MBOAT1: variants seen among roughly 807,000 people sequenced by gnomAD.
MBOAT1 encodes the protein membrane-bound glycerophospholipid O-acyltransferase 1.
Under a neutral mutation model 64.4 loss-of-function variants are expected in MBOAT1, and 67 were observed. The observed-to-expected ratio is 1.04, with a 90% CI of 0.85 to 1.27. MBOAT1 has a LOEUF of 1.27. Among genes scored for constraint, MBOAT1 ranks in the 50% most tolerant of loss-of-function variants. The pLI is 0.00. For missense variants in MBOAT1, 563 were observed against 604.6 expected (o/e 0.93, Z 0.72); for synonymous variants, 229 against 218.9 (o/e 1.05, Z -0.41).
At chr6:20,151,463 T>G (rs1489148103) in intron 2 of MBOAT1, among the ~76,000 whole-genome samples, 2 of 152,214 alleles carry the variant, frequency 1.3e-5, no homozygotes, top group African/African-American at 2.4e-5. Flanking sequence ...AACGACACAG[T>G]TTGCCAACTG....
intron 12 of MBOAT1, among the ~76,000 whole-genome samples, chr6:20,108,783 A>G (rs1309704917): frequency 6.6e-6 from 1 of 152,240 alleles, no homozygotes; most frequent in Admixed American, 6.5e-5. Context: ...CCCTCTGCAC[A>G]TTTATCTCAT....
intron 1 of MBOAT1, among the ~76,000 whole-genome samples, chr6:20,196,018 GC>G (rs1264513917): frequency 6.6e-6 from 1 of 152,198 alleles, no homozygotes; most frequent in Non-Finnish European, 1.5e-5. Flanking sequence ...CAGGGATGAG[GC>G]CCTCCCCACA....
intron 1 of MBOAT1, among the ~76,000 whole-genome samples, chr6:20,208,439 C>T: frequency 1.1e-4 from 1 of 9,048 alleles, no homozygotes; most frequent in African/African-American, 1.8e-4. Context: ...GAGCTAGACT[C>T]TGTCTCAAAA....
At chr6:20,154,589 GAATTTCACCTT>G (rs1468725139) in intron 1 of MBOAT1, among the ~76,000 whole-genome samples, 1 of 152,046 alleles carries the variant, frequency 6.6e-6, no homozygotes, top group East Asian at 1.9e-4. Context: ...TGACCTTATT[GAATTTCACCTT>G]TCCAAAAAAC....
chr6:20,152,845 TG>T, intron 1 of MBOAT1, 76 bp from the exon 2 acceptor site: 1 of 1,509,852 alleles, frequency 6.6e-7, no homozygotes, highest in South Asian at 1.2e-5. Flanking sequence ...TGTTTTGTTT[TG>T]TTTTGAGACG....
At chr6:20,113,715 C>T (rs1384502092) in intron 10 of MBOAT1, among the ~76,000 whole-genome samples, 1 of 151,750 alleles carries the variant, frequency 6.6e-6, no homozygotes, top group African/African-American at 2.4e-5. Flanking sequence ...CAGGGAATTC[C>T]CCCCCAAAAC....
intron 8 of MBOAT1, among the ~76,000 whole-genome samples, chr6:20,118,792 G>A (rs1326196525): frequency 6.6e-6 from 1 of 152,176 alleles, no homozygotes; most frequent in Non-Finnish European, 1.5e-5. Flanking sequence ...GAGGAAAGAA[G>A]CTAGATGTCC....
intron 1 of MBOAT1, among the ~76,000 whole-genome samples, chr6:20,191,795 T>C (rs2113756945): frequency 6.6e-6 from 1 of 152,316 alleles, no homozygotes; most frequent in African/African-American, 2.4e-5. Context: ...TATAGCTATA[T>C]TATTATAGTA....
chr6:20,191,641 G>A (rs1454318623), intron 1 of MBOAT1, among the ~76,000 whole-genome samples: 2 of 152,126 alleles, frequency 1.3e-5, no homozygotes, highest in Non-Finnish European at 2.9e-5. Context: ...TACTGCAGAC[G>A]GAACAGCAAA....
At chr6:20,121,139 A>G (rs1189911810) in intron 8 of MBOAT1, among the ~76,000 whole-genome samples, 2 of 152,342 alleles carry the variant, frequency 1.3e-5, no homozygotes, top group South Asian at 2.1e-4. Context: ...CAGTATCTAG[A>G]GCTAGGCTAA....
chr6:20,140,431 G>A (rs1043058059), intron 4 of MBOAT1, among the ~76,000 whole-genome samples: 2 of 152,182 alleles, frequency 1.3e-5, no homozygotes, highest in Non-Finnish European at 2.9e-5. Context: ...ACCTATGAGG[G>A]TTTCCAAAAG....
intron 1 of MBOAT1, among the ~76,000 whole-genome samples, chr6:20,188,454 C>T (rs1221088021): frequency 6.6e-6 from 1 of 152,124 alleles, no homozygotes; most frequent in Non-Finnish European, 1.5e-5. Context: ...TGAGGTATTA[C>T]CTGGCATTCT....
intron 3 of MBOAT1, among the ~76,000 whole-genome samples, chr6:20,150,541 A>ATTATTTTCT (rs1164636687): frequency 2.0e-5 from 3 of 147,308 alleles, no homozygotes; most frequent in African/African-American, 7.5e-5. Context: ...CCGATCTTTC[A>ATTATTTTCT]TTATTTTCTT....
intron 1 of MBOAT1, among the ~76,000 whole-genome samples, chr6:20,178,231 G>GT (rs1170941569): frequency 4.6e-5 from 7 of 152,090 alleles, no homozygotes; most frequent in Non-Finnish European, 1.0e-4. Context: ...TCCTACTGTG[G>GT]TTTTTTTCTA....
intron 1 of MBOAT1, 136 bp from the exon 2 acceptor site, chr6:20,152,905 T>G (rs1051061317): frequency 3.1e-5 from 27 of 884,990 alleles, no homozygotes; most frequent in Non-Finnish European, 4.4e-5. Flanking sequence ...CAAACTCGGC[T>G]CACTGCAAGC....
At chr6:20,205,843 T>C (rs1165521636) in intron 1 of MBOAT1, among the ~76,000 whole-genome samples, 1 of 152,150 alleles carries the variant, frequency 6.6e-6, no homozygotes, top group South Asian at 2.1e-4. Context: ...CAGGAGGGAC[T>C]GCAAAGCTCA....
chr6:20,142,081 A>G (rs1761195410), intron 4 of MBOAT1, among the ~76,000 whole-genome samples: 1 of 112,250 alleles, frequency 8.9e-6, no homozygotes. Context: ...CTGCCTTAAA[A>G]ACAGAAGAAG....
At chr6:20,112,235 C>G (rs532679723) in intron 11 of MBOAT1, among the ~76,000 whole-genome samples, 6 of 152,128 alleles carry the variant, frequency 3.9e-5, no homozygotes, top group African/African-American at 1.4e-4. Context: ...TCGTCTCCTT[C>G]TTGGAGGAGA....
intron 10 of MBOAT1, among the ~76,000 whole-genome samples, chr6:20,113,483 T>G (rs1480260631): frequency 6.6e-6 from 1 of 152,240 alleles, no homozygotes; most frequent in East Asian, 1.9e-4. Context: ...CAGGCTCCTG[T>G]GCCATCTAAC....
Sources: gnomAD v4.1 joint callset for allele counts (sites outside exome capture counted in the v4.1 genomes callset) on GRCh38, gnomAD v4.1.1 for gene constraint, MANE v1.5 for transcripts, NCBI Gene and HGNC (gene_info 2026-07-23, HGNC 2026-07-21) for gene names.